Variants in DLG2 observed in about 807,000 individuals in gnomAD.
DLG2 encodes the protein discs large MAGUK scaffold protein 2, also known as disks large homolog 2.
A neutral mutation model predicts 132.5 loss-of-function variants in DLG2; 45 were observed. The observed-to-expected ratio is 0.34, with a 90% CI of 0.27 to 0.44. The LOEUF (loss-of-function observed/expected upper bound fraction) is 0.44. Among genes scored for constraint, DLG2 ranks in the 20% least tolerant of loss-of-function variants. DLG2 has a pLI of 1.00. For synonymous variants in DLG2, 424 were observed against 419.6 expected (o/e 1.01, Z -0.13); for missense variants, 1,045 against 1,196.9 (o/e 0.87, Z 1.87).
intron 6 of DLG2, among the ~76,000 whole-genome samples, chr11:85,014,042 A>G (rs2059370088): frequency 6.6e-6 from 1 of 152,170 alleles, no homozygotes; most frequent in African/African-American, 2.4e-5. Context: ...AAAAGAGAGG[A>G]CTCCAATATC....
At chr11:84,058,504 T>TAAAATAGTA (rs372631929) in intron 11 of DLG2, among the ~76,000 whole-genome samples, 2 of 122,968 alleles carry the variant, frequency 1.6e-5, no homozygotes, top group Admixed American at 1.5e-4. Context: ...AAAAAACAAA[T>TAAAATAGTA]ACAATAATAA....
intron 18 of DLG2, among the ~76,000 whole-genome samples, chr11:83,734,375 CCTTCCTTCCTTCCTTCCT>C (rs2091553196): frequency 1.4e-5 from 2 of 145,710 alleles, no homozygotes; most frequent in African/African-American, 5.1e-5. Flanking sequence ...TTCCTTCCTT[CCTTCCTTCCTTCCTTCCT>C]TCCTTCCTTC....
At chr11:83,619,695 G>A (rs1037848209) in intron 19 of DLG2, among the ~76,000 whole-genome samples, 3 of 152,156 alleles carry the variant, frequency 2.0e-5, no homozygotes, top group African/African-American at 4.8e-5. Context: ...CCCCATTTAT[G>A]AGGAAAGGGG....
chr11:85,283,001 C>T (rs1239124684), intron 4 of DLG2, among the ~76,000 whole-genome samples: 1 of 151,986 alleles, frequency 6.6e-6, no homozygotes, highest in Non-Finnish European at 1.5e-5. Context: ...AAAACAAATA[C>T]TGCATGTTCT....
At chr11:83,832,279 G>C (rs1051564399) in intron 17 of DLG2, among the ~76,000 whole-genome samples, 7 of 152,114 alleles carry the variant, frequency 4.6e-5, no homozygotes, top group African/African-American at 1.7e-4. Context: ...AAAAAAAGAA[G>C]AGAACAGGAG....
intron 3 of DLG2, among the ~76,000 whole-genome samples, chr11:85,438,683 T>G (rs1365975528): frequency 6.6e-6 from 1 of 152,200 alleles, no homozygotes; most frequent in Non-Finnish European, 1.5e-5. Flanking sequence ...TCTTTGTGTG[T>G]GTATGTACAT....
intron 11 of DLG2, among the ~76,000 whole-genome samples, chr11:84,022,526 G>A (rs908115819): frequency 6.6e-6 from 1 of 152,110 alleles, no homozygotes; most frequent in Non-Finnish European, 1.5e-5. Context: ...CCAAACAAAA[G>A]GACTCAGCTG....
At chr11:85,241,530 TA>T (rs1427345587) in intron 4 of DLG2, among the ~76,000 whole-genome samples, 1 of 152,012 alleles carries the variant, frequency 6.6e-6, no homozygotes, top group Non-Finnish European at 1.5e-5. Flanking sequence ...GGTATGTGTG[TA>T]AGTAAAATGG....
intron 3 of DLG2, among the ~76,000 whole-genome samples, chr11:85,446,201 T>C (rs912512097): frequency 1.3e-5 from 2 of 152,204 alleles, no homozygotes; most frequent in African/African-American, 4.8e-5. Context: ...CATTTAAAGG[T>C]CTTTTAACTT....
chr11:84,581,550 A>C (rs1246878999), intron 6 of DLG2, among the ~76,000 whole-genome samples: 1 of 152,206 alleles, frequency 6.6e-6, no homozygotes, highest in Non-Finnish European at 1.5e-5. Flanking sequence ...CATATGATAG[A>C]CATTACTATT....
chr11:84,200,894 C>G (rs1198668280), intron 8 of DLG2, among the ~76,000 whole-genome samples: 3 of 152,038 alleles, frequency 2.0e-5, no homozygotes, highest in African/African-American at 7.2e-5. Context: ...TTTTTGCAAA[C>G]AAGATGGTTT....
At chr11:83,785,322 G>A (rs1319054469) in intron 18 of DLG2, among the ~76,000 whole-genome samples, 1 of 152,102 alleles carries the variant, frequency 6.6e-6, no homozygotes, top group African/African-American at 2.4e-5. Context: ...CCAAAGTGCT[G>A]GGATTACAGG....
chr11:84,842,822 GCA>G (rs2080877447), intron 6 of DLG2, among the ~76,000 whole-genome samples: 1 of 151,798 alleles, frequency 6.6e-6, no homozygotes, highest in Admixed American at 6.6e-5. Flanking sequence ...ATGTGTGGAT[GCA>G]CACATATATG....
chr11:83,933,085 G>C (rs113675832), intron 14 of DLG2, among the ~76,000 whole-genome samples: 19 of 152,142 alleles, frequency 1.2e-4, no homozygotes, highest in African/African-American at 4.3e-4. Context: ...GTTATATTCT[G>C]TGTGACCTCT....
At chr11:84,501,283 G>A (rs1232816874) in intron 7 of DLG2, among the ~76,000 whole-genome samples, 1 of 152,206 alleles carries the variant, frequency 6.6e-6, no homozygotes, top group African/African-American at 2.4e-5. Flanking sequence ...AGAAATAGTA[G>A]GCCAGGCTCA....
At chr11:85,588,606 A>G (rs927710210) in intron 3 of DLG2, among the ~76,000 whole-genome samples, 1 of 152,160 alleles carries the variant, frequency 6.6e-6, no homozygotes, top group Non-Finnish European at 1.5e-5. Flanking sequence ...AAATTTGTTT[A>G]AATTGGTTTT....
chr11:84,690,041 T>C (rs2057836502), intron 6 of DLG2, among the ~76,000 whole-genome samples: 1 of 151,818 alleles, frequency 6.6e-6, no homozygotes, highest in Non-Finnish European at 1.5e-5. Flanking sequence ...ATCTCACTTA[T>C]ATGTGGGATC....
chr11:85,215,058 G>T (rs140151904), intron 4 of DLG2, among the ~76,000 whole-genome samples: 22 of 152,256 alleles, frequency 1.4e-4, no homozygotes, highest in Admixed American at 1.1e-3. Context: ...AGTTAAGAAC[G>T]TGATTGCTTT....
intron 6 of DLG2, among the ~76,000 whole-genome samples, chr11:84,849,498 A>T (rs2081925557): frequency 6.6e-6 from 1 of 151,814 alleles, no homozygotes; most frequent in African/African-American, 2.4e-5. Flanking sequence ...TAGCCATATT[A>T]TCTCCTTTTT....
Sources: gnomAD v4.1 joint callset for allele counts (sites outside exome capture counted in the v4.1 genomes callset) on GRCh38, gnomAD v4.1.1 for gene constraint, MANE v1.5 for transcripts, NCBI Gene and HGNC (gene_info 2026-07-23, HGNC 2026-07-21) for gene names.